NPC1: variants seen among roughly 807,000 people sequenced by gnomAD.
NPC1 encodes the protein Niemann-Pick C1 protein.
NPC1 carries 85 observed loss-of-function variants against 140.4 expected under a neutral mutation model. The ratio of observed to expected loss-of-function variants is 0.61; its 90% CI spans 0.51 to 0.72. The LOEUF is 0.72. Ranked by LOEUF, NPC1 falls within the 30% of genes least tolerant of loss-of-function variation. NPC1 has a pLI of 0.00. For missense variants in NPC1, 1,504 were observed against 1,623.8 expected (o/e 0.93, Z 1.27); for synonymous variants, 656 against 624.8 (o/e 1.05, Z -0.74).
intron 23 of NPC1, 176 bp downstream of exon 23, chr18:23,534,270 T>C (rs1017260787): frequency 2.9e-6 from 2 of 679,302 alleles, no homozygotes; most frequent in African/African-American, 1.8e-5. Flanking sequence ...TACCAACAGG[T>C]ACAGTTCCAC....
At chr18:23,507,411 A>T (rs2057743049) in intron 3 of NPC1, among the ~76,000 whole-genome samples, 1 of 151,726 alleles carries the variant, frequency 6.6e-6, no homozygotes, top group Non-Finnish European at 1.5e-5. Flanking sequence ...AATAATTTGG[A>T]ACTTCATGTG....
chr18:23,529,807 G>C, downstream of NPC1: 1 of 1,274,360 alleles, frequency 7.8e-7, no homozygotes, highest in Non-Finnish European at 1.1e-6. Flanking sequence ...TGCTAAGACA[G>C]GTCTGCCTCC....
chr18:23,528,007 C>T (rs1035812682), downstream of NPC1: 30 of 965,604 alleles, frequency 3.1e-5, no homozygotes, highest in African/African-American at 8.4e-5. Flanking sequence ...AGAATAAGGT[C>T]GCTGAGATTT....
chr18:23,586,402 G>C lies in NPC1; in HGVS notation c.-59C>G. Reference sequence around the variant, plus strand: ...CGTTCGGCTGGTTGGGCTCCCCGGAGGCGGCTCTACTTCCCCGGGCTGTTT... The same window carrying C: ...CGTTCGGCTGGTTGGGCTCCCCGGACGCGGCTCTACTTCCCCGGGCTGTTT... On this transcript the variant is annotated 5_prime_UTR_variant, in exon 1 of 25. Coordinates refer to ENST00000269228, the MANE Select transcript of NPC1 (RefSeq NM_000271.5). 6.5e-7 allele frequency: 1 copy of C among 1,529,036 alleles called. No individual in the cohort carries two copies. 94.7% of individuals were successfully genotyped at this position (1,529,036 alleles called of 1,614,324 possible).
chr18:23,516,640 A>G (rs888921013), intron 3 of NPC1, among the ~76,000 whole-genome samples: 1 of 152,070 alleles, frequency 6.6e-6, no homozygotes, highest in Non-Finnish European at 1.5e-5. Flanking sequence ...TTGTGATGCT[A>G]AGGAATTCCT....
At chr18:23,525,202 T>C (rs1352450369), downstream of NPC1, among the ~76,000 whole-genome samples, 1 of 152,008 alleles carries the variant, frequency 6.6e-6, no homozygotes, top group Non-Finnish European at 1.5e-5. Flanking sequence ...TGCCTCGGCC[T>C]CCCAAAGTGC....
At chr18:23,571,914 C>G (rs2059209519) in intron 3 of NPC1, among the ~76,000 whole-genome samples, 160 bp downstream of exon 3, 1 of 150,918 alleles carries the variant, frequency 6.6e-6, no homozygotes. Flanking sequence ...ATATATTCAC[C>G]TACTTTACAT....
intron 4 of NPC1, among the ~76,000 whole-genome samples, chr18:23,564,333 T>C (rs2059090375): frequency 6.6e-6 from 1 of 152,080 alleles, no homozygotes; most frequent in African/African-American, 2.4e-5. Context: ...AATATACAAT[T>C]TGCAAATATA....
rs1225993209 is a variant in NPC1 at position 23,538,913 on chromosome 18, A to G, written c.2912-242T>C. On this transcript the variant is annotated intron_variant, in intron 19 of 24. Transcript: ENST00000269228. ...TATGCATCATTTTCTGCCCTGAAGT[A>G]GATCTCCTCCTTCAAGTATGGCCTT... 6 of 531,470 alleles carry G rather than the reference A, an allele frequency of 1.1e-5. No individual in the cohort carries two copies. The East Asian group carries it at 2.1e-4, about 19-fold the overall frequency. The allele number at this position is 531,470 out of a possible 1,614,324, so 32.9% of individuals were successfully genotyped here. A position where few individuals can be genotyped will look rare whatever the true frequency, so the allele number is the denominator to read the frequency against.
At chr18:23,549,438 G>A (rs1444499002) in intron 10 of NPC1, among the ~76,000 whole-genome samples, 1 of 152,110 alleles carries the variant, frequency 6.6e-6, no homozygotes, top group Non-Finnish European at 1.5e-5. Flanking sequence ...AGGAGTTCAA[G>A]ACCAGTCTGG....
At chr18:23,578,519 G>A (rs1374044959) in intron 1 of NPC1, among the ~76,000 whole-genome samples, 1 of 152,162 alleles carries the variant, frequency 6.6e-6, no homozygotes, top group Non-Finnish European at 1.5e-5. Flanking sequence ...TGAAAGTGGA[G>A]AGCCAGCCTC....
At chr18:23,536,991 G>C in intron 20 of NPC1, 115 bp from the exon 21 acceptor site, 1 of 799,534 alleles carries the variant, frequency 1.3e-6, no homozygotes, top group Non-Finnish European at 2.2e-6. Flanking sequence ...GTCAGACCCA[G>C]CTGTACATTT....
chr18:23,562,247 C>G (rs1369088774), intron 4 of NPC1, among the ~76,000 whole-genome samples: 1 of 151,434 alleles, frequency 6.6e-6, no homozygotes, highest in Non-Finnish European at 1.5e-5. Flanking sequence ...CAAGATTGCG[C>G]CACTGCACTC....
At chr18:23,566,792 CAT>C (rs1374629987) in intron 4 of NPC1, among the ~76,000 whole-genome samples, 1 of 152,314 alleles carries the variant, frequency 6.6e-6, no homozygotes, top group Non-Finnish European at 1.5e-5. Context: ...ATTATAGTAT[CAT>C]ATAGAGTATT....
At position 23,551,707 on chromosome 18, in the gene NPC1, T is replaced by A. The variant is rs771884761; in HGVS notation, c.1574A>T (p.Asp525Val). The A allele has an allele frequency of 1.2e-6, 2 of 1,614,128 alleles. No individual in the cohort carries two copies. The highest frequency in any genetic ancestry group is 1.7e-6 in the Non-Finnish European group (2 of 1,179,988). The change falls in exon 10 of 25, where the codon GAT becomes GTT. Residue 525 changes from aspartate (D) to valine (V), a missense_variant. Transcript: ENST00000269228. ...YCVRAPASLN[D>V]TSLLHDPCLG... ...ACAAGGGTCATGGAGCAAACTTGTA[T>A]CATTCAGAGAGGCAGGAGCCCTGCC... is the stretch of plus-strand genomic sequence containing the variant.
downstream of NPC1, chr18:23,520,438 G>C (rs1330746799): frequency 1.2e-6 from 1 of 804,144 alleles, no homozygotes; most frequent in African/African-American, 1.7e-5. Context: ...AGATCTGTCT[G>C]ATTTTGCCAG....
Position 23,532,807 on chromosome 18 carries a change from G to A in NPC1, c.3755-523C>T, listed in dbSNP as rs1429907049. 3 of 880,300 alleles carry A rather than the reference G, an allele frequency of 3.4e-6. No homozygotes were observed. In the East Asian group the frequency reaches 3.6e-4, roughly 107 times the overall value. 54.5% of individuals were successfully genotyped at this position (880,300 alleles called of 1,614,324 possible). On this transcript the variant is annotated intron_variant, in intron 24 of 24. Coordinates refer to ENST00000269228, the MANE Select transcript of NPC1 (RefSeq NM_000271.5). The stretch of plus-strand genomic sequence containing the variant: ...CTCATTTTCTTAATCTTCTACTTCA[G>A]TGCTTCAATTTAGTGACAAAGCTAT...
At chr18:23,537,993 TC>T (rs1207602871) in intron 20 of NPC1, among the ~76,000 whole-genome samples, 1 of 152,178 alleles carries the variant, frequency 6.6e-6, no homozygotes, top group Non-Finnish European at 1.5e-5. Context: ...GCCAGAGACT[TC>T]CGGTCATCAT....
intron 1 of NPC1, among the ~76,000 whole-genome samples, chr18:23,523,403 C>G (rs569554022): frequency 6.6e-6 from 1 of 151,900 alleles, no homozygotes; most frequent in Admixed American, 6.6e-5. Context: ...AATGGATAAT[C>G]GAACTAATTA....
Sources: gnomAD v4.1 joint callset for allele counts (sites outside exome capture counted in the v4.1 genomes callset) on GRCh38, gnomAD v4.1.1 for gene constraint, MANE v1.5 for transcripts, NCBI Gene and HGNC (gene_info 2026-07-23, HGNC 2026-07-21) for gene names.